The following EFCAB8 variants were observed in gnomAD, a reference collection of about 807,000 sequenced individuals.
EFCAB8 encodes EF-hand calcium-binding domain-containing protein 8.
Under a neutral mutation model 116.3 loss-of-function variants are expected in EFCAB8, and 100 were observed. The ratio of observed to expected loss-of-function variants is 0.86; its 90% CI spans 0.73 to 1.02. The LOEUF (loss-of-function observed/expected upper bound fraction) is 1.02. Ranked by LOEUF, EFCAB8 falls within the 50% of genes least tolerant of loss-of-function variation. The pLI is 0.00. For synonymous variants in EFCAB8, 558 were observed against 567.9 expected, an observed-to-expected ratio of 0.98 and a Z score of 0.25; for missense variants, 1,320 against 1,416.9, an observed-to-expected ratio of 0.93 and a Z score of 1.10.
At position 32,863,790 on chromosome 20, in the gene EFCAB8, C is replaced by A; in HGVS notation, c.-3C>A. 1 of 1,550,992 alleles carries A rather than the reference C, an allele frequency of 6.4e-7. No individual in the cohort carries two copies. The highest frequency in any genetic ancestry group is 8.7e-7 in the Non-Finnish European group (1 of 1,146,744). On this transcript the variant is annotated 5_prime_UTR_variant, in exon 2 of 27. Transcript: ENST00000400522. ...TATGATTCCCTATTCTAGGTCAAGG[C>A]TAATGTCTTCTGAAGACTTAGCAGA...
chr20:32,875,502 G>GTTTTTTTTTTTTTT (rs57620114), intron 3 of EFCAB8, among the ~76,000 whole-genome samples: 8 of 89,870 alleles, frequency 8.9e-5, no homozygotes, highest in Non-Finnish European at 1.5e-4. Flanking sequence ...AAACATGGTG[G>GTTTTTTTTTTTTTT]TTTTTTTTTT....
intron 17 of EFCAB8, 162 bp from the exon 18 acceptor site, chr20:32,917,139 A>G (rs1476470090): frequency 4.9e-6 from 3 of 612,936 alleles, no homozygotes; most frequent in Non-Finnish European, 8.7e-6. Flanking sequence ...GTAAGCGCTT[A>G]GTAAATGAGG....
At chr20:32,922,253 C>T (rs1040984462) in intron 20 of EFCAB8, among the ~76,000 whole-genome samples, 2 of 152,198 alleles carry the variant, frequency 1.3e-5, no homozygotes, top group African/African-American at 4.8e-5. Flanking sequence ...AGCAGCACTG[C>T]ATTGAACATT....
intron 1 of EFCAB8, among the ~76,000 whole-genome samples, chr20:32,859,357 A>C (rs1172376528): frequency 5.3e-5 from 8 of 152,108 alleles, no homozygotes; most frequent in Admixed American, 2.6e-4. Context: ...CTCCAATTCT[A>C]AATATCAACC....
chr20:32,941,910 A>T (rs886173362), intron 22 of EFCAB8, among the ~76,000 whole-genome samples: 1 of 152,236 alleles, frequency 6.6e-6, no homozygotes, highest in Non-Finnish European at 1.5e-5. Flanking sequence ...TGGTACAAAT[A>T]TTCTTTTTCA....
chr20:32,882,911 A>G (rs988411120), intron 5 of EFCAB8, among the ~76,000 whole-genome samples: 2 of 151,884 alleles, frequency 1.3e-5, no homozygotes, highest in African/African-American at 4.8e-5. Context: ...TAGCCAGGAT[A>G]GTCTCAATCT....
chr20:32,880,380 C>T (rs553444392), intron 5 of EFCAB8, among the ~76,000 whole-genome samples: 4 of 152,118 alleles, frequency 2.6e-5, no homozygotes, highest in Admixed American at 2.0e-4. Context: ...GCGATTCTCC[C>T]GCCTCAGCGT....
At chr20:32,896,421 G>T (rs1986162493) in intron 9 of EFCAB8, 33 bp from the exon 10 acceptor site, 1 of 716,280 alleles carries the variant, frequency 1.4e-6, no homozygotes, top group Non-Finnish European at 2.6e-6. Flanking sequence ...GGGGAAAGCT[G>T]CTGATGTGGA....
intron 23 of EFCAB8, among the ~76,000 whole-genome samples, chr20:32,947,390 A>G (rs999014369): frequency 2.0e-5 from 3 of 152,262 alleles, no homozygotes; most frequent in African/African-American, 4.8e-5. Flanking sequence ...TAGATCATTC[A>G]TAAACAAACA....
chr20:32,959,544 T>C (rs1243078524), intron 24 of EFCAB8, among the ~76,000 whole-genome samples: 2 of 151,888 alleles, frequency 1.3e-5, no homozygotes, highest in African/African-American at 4.8e-5. Flanking sequence ...GTCTGCATGG[T>C]GGAGAGGACA....
Position 32,958,413 on chromosome 20 carries a change from A to T in EFCAB8, c.2960-8A>T. On this transcript the variant is annotated splice_region_variant and splice_polypyrimidine_tract_variant and intron_variant, in intron 23 of 26. Transcript: ENST00000400522. Reference sequence around the variant, plus strand: ...GTTGTGGTTCTGAGCAGTCTGGTCAAATCACAGGAACGTTTGGCCTGAGTG... The same window carrying T: ...GTTGTGGTTCTGAGCAGTCTGGTCATATCACAGGAACGTTTGGCCTGAGTG... 2.4e-6 allele frequency: 1 copy of T among 416,848 alleles called. No homozygotes were observed. The allele number at this position is 416,848 out of a possible 1,614,324, so 25.8% of individuals were successfully genotyped here.
At chr20:32,906,776 ACCTTCACCAGTGGGTGAAGGTCC>A in intron 12 of EFCAB8, 44 bp from the exon 13 acceptor site, 1 of 816,516 alleles carries the variant, frequency 1.2e-6, no homozygotes, top group Non-Finnish European at 2.1e-6. Flanking sequence ...TCTGGGCACC[ACCTTCACCAGTGGGTGAAGGTCC>A]CCAGTGGAGG....
At chr20:32,875,330 C>T (rs1321385886) in intron 3 of EFCAB8, among the ~76,000 whole-genome samples, 2 of 151,858 alleles carry the variant, frequency 1.3e-5, no homozygotes, top group Admixed American at 1.3e-4. Flanking sequence ...GGAGACAGGG[C>T]CAAGAGGGGC....
chr20:32,930,950 G>A (rs1987884633), intron 21 of EFCAB8, among the ~76,000 whole-genome samples: 1 of 152,210 alleles, frequency 6.6e-6, no homozygotes, highest in Non-Finnish European at 1.5e-5. Flanking sequence ...AGGCAGGGGT[G>A]TGCTGTCCTT....
rs62207465 is a variant in EFCAB8 at position 32,917,226 on chromosome 20, G to A, written c.1857-75G>A. ...TGAGTCGGCTCCCAGAATCCTCAAG[G>A]CTCCAGTGCTTCCCCAATGGATGGA... On this transcript the variant is annotated intron_variant, in intron 17 of 26. Transcript: ENST00000400522. 1,408 of 1,202,698 alleles carry A rather than the reference G, an allele frequency of 1.2e-3. 6 individuals are homozygous for A. The African/African-American group carries it at 0.012, about 10-fold the overall frequency. The allele number at this position is 1,202,698 out of a possible 1,614,324, so 74.5% of individuals were successfully genotyped here.
At chr20:32,901,604 G>A (rs1986430532) in intron 11 of EFCAB8, among the ~76,000 whole-genome samples, 1 of 152,148 alleles carries the variant, frequency 6.6e-6, no homozygotes, top group South Asian at 2.1e-4. Context: ...AGCTCCACTG[G>A]CCTTCAGGCT....
At chr20:32,879,835 TA>T (rs1985223813) in intron 5 of EFCAB8, among the ~76,000 whole-genome samples, 1 of 152,178 alleles carries the variant, frequency 6.6e-6, no homozygotes. Flanking sequence ...TCCTTTAGTT[TA>T]ACAGACTCAG....
At chr20:32,875,546 C>T (rs1984927134) in intron 3 of EFCAB8, among the ~76,000 whole-genome samples, 1 of 128,676 alleles carries the variant, frequency 7.8e-6, no homozygotes, top group East Asian at 2.0e-4. Flanking sequence ...CTCTTGTTGC[C>T]CAGGCTGGAG....
chr20:32,918,614 C>G (rs1280159956), intron 19 of EFCAB8, 40 bp downstream of exon 19: 23 of 1,540,252 alleles, frequency 1.5e-5, no homozygotes, highest in Non-Finnish European at 8.8e-6. Context: ...CCCTCACTCT[C>G]TAGCCGCCGG....
Sources: allele counts gnomAD v4.1 joint callset (sites outside exome capture counted in the v4.1 genomes callset), GRCh38; gene constraint gnomAD v4.1.1; transcripts MANE v1.5; gene names NCBI Gene and HGNC (gene_info 2026-07-23, HGNC 2026-07-21).